Variants in THADA observed in about 807,000 individuals in gnomAD.
The protein encoded by THADA is THADA armadillo repeat containing.
THADA carries 213 observed loss-of-function variants against 219.8 expected under a neutral mutation model. The observed-to-expected ratio is 0.97, with a 90% CI of 0.87 to 1.09. The LOEUF is 1.09. Ranked by LOEUF, THADA falls within the 50% of genes least tolerant of loss-of-function variation. The probability of loss-of-function intolerance (pLI) is 0.00; values close to 1 mark genes in which losing one functional copy is unlikely to be tolerated. For missense variants in THADA, 2,956 were observed against 2,311.3 expected, an observed-to-expected ratio of 1.28 and a Z score of -5.72; for synonymous variants, 1,018 against 828.9, an observed-to-expected ratio of 1.23 and a Z score of -3.92.
At position 43,232,401 on chromosome 2, in the gene THADA, A is replaced by G. The variant is rs942952202; in HGVS notation, c.5466+312T>C. Among the ~76,000 whole-genome samples, 3 of 151,944 alleles carry G rather than the reference A, an allele frequency of 2.0e-5. No individual in the cohort carries two copies. In the East Asian group the frequency reaches 5.8e-4, roughly 29 times the overall value. The stretch of plus-strand genomic sequence containing the variant: ...CACCGTGTTAGCCAGGATGGTCTCG[A>G]TCTCCTGACCTCATGATCCGCCTGC... On this transcript the variant is annotated intron_variant, in intron 37 of 37. Transcript: ENST00000405975.
intron 22 of THADA, among the ~76,000 whole-genome samples, chr2:43,519,973 T>C (rs549984590): frequency 6.6e-6 from 1 of 152,212 alleles, no homozygotes. Context: ...CCAGGGTTGC[T>C]GGTGTTTATG....
intron 31 of THADA, among the ~76,000 whole-genome samples, chr2:43,315,797 C>T (rs1210218716): frequency 6.6e-6 from 1 of 152,174 alleles, no homozygotes; most frequent in Non-Finnish European, 1.5e-5. Flanking sequence ...ACACTAGGAA[C>T]TTGGTTCCAT....
At chr2:43,546,387 C>T (rs1470358653) in intron 20 of THADA, among the ~76,000 whole-genome samples, 10 of 152,102 alleles carry the variant, frequency 6.6e-5, no homozygotes, top group Admixed American at 1.3e-4. Context: ...CTATTAGGTC[C>T]GCTTGGTGCA....
chr2:43,449,308 A>G (rs962254255), intron 26 of THADA, among the ~76,000 whole-genome samples: 1 of 152,158 alleles, frequency 6.6e-6, no homozygotes, highest in Non-Finnish European at 1.5e-5. Flanking sequence ...AGAAATGTGA[A>G]TAAGTCCAAG....
intron 36 of THADA, among the ~76,000 whole-genome samples, chr2:43,271,866 C>T (rs1176270792): frequency 6.6e-6 from 1 of 152,160 alleles, no homozygotes; most frequent in African/African-American, 2.4e-5. Flanking sequence ...CCACTTGCCT[C>T]GGCCTCCCAG....
At chr2:43,516,520 G>A (rs1239546801) in intron 22 of THADA, among the ~76,000 whole-genome samples, 1 of 152,060 alleles carries the variant, frequency 6.6e-6, no homozygotes, top group East Asian at 1.9e-4. Context: ...TTTACATCGT[G>A]GTTGTACAAC....
intron 36 of THADA, among the ~76,000 whole-genome samples, chr2:43,242,287 T>C (rs1668703769): frequency 6.6e-6 from 1 of 152,236 alleles, no homozygotes; most frequent in Admixed American, 6.5e-5. Flanking sequence ...TACTTGTGAC[T>C]TGCATTTTCC....
intron 36 of THADA, among the ~76,000 whole-genome samples, chr2:43,238,320 T>C (rs1558449107): frequency 6.6e-6 from 1 of 152,048 alleles, no homozygotes; most frequent in Non-Finnish European, 1.5e-5. Flanking sequence ...GACAAGGGAC[T>C]GTATCTAAAC....
At chr2:43,565,120 T>C (rs1329359414) in intron 15 of THADA, 1 of 152,154 alleles carries the variant, frequency 6.6e-6, no homozygotes, top group African/African-American at 2.4e-5. Flanking sequence ...GACACAGATA[T>C]AGCAAATATT....
At chr2:43,278,956 G>A (rs1673033475) in intron 36 of THADA, among the ~76,000 whole-genome samples, 1 of 152,148 alleles carries the variant, frequency 6.6e-6, no homozygotes, top group Non-Finnish European at 1.5e-5. Context: ...TGGGACCGCT[G>A]ATCCAGAGAC....
At chr2:43,239,150 C>G (rs1343161852) in intron 36 of THADA, among the ~76,000 whole-genome samples, 1 of 152,202 alleles carries the variant, frequency 6.6e-6, no homozygotes, top group Non-Finnish European at 1.5e-5. Flanking sequence ...CTGGTGCCTT[C>G]CATCCTTGTG....
intron 28 of THADA, among the ~76,000 whole-genome samples, chr2:43,402,868 G>GGAGAGGCA (rs1558704298): frequency 6.6e-6 from 1 of 152,194 alleles, no homozygotes; most frequent in African/African-American, 2.4e-5. Context: ...GAGAGGCGGC[G>GGAGAGGCA]GAGAGGCAGA....
chr2:43,259,132 G>T (rs891060225), intron 36 of THADA, among the ~76,000 whole-genome samples: 1 of 152,314 alleles, frequency 6.6e-6, no homozygotes, highest in East Asian at 1.9e-4. Flanking sequence ...AAGTCAAGGG[G>T]AGGGGGTCAG....
rs1701660792 is a variant in THADA at position 43,592,288 on chromosome 2, TATA to T, written c.76+26_76+28del. 8 of 1,535,268 alleles carry T rather than the reference TATA, an allele frequency of 5.2e-6. 1 individual carries two copies. The East Asian group carries it at 1.1e-4, about 22-fold the overall frequency. ...ACTCTGCTTGCAAACTAGAAAAAAA[TATA>T]ATAAGGGAAACCAGAAGTCACCTAC... On this transcript the variant is annotated intron_variant, in intron 2 of 37. Transcript: ENST00000405975.
chr2:43,290,334 C>T (rs1166246549), intron 34 of THADA, among the ~76,000 whole-genome samples: 1 of 151,952 alleles, frequency 6.6e-6, no homozygotes. Flanking sequence ...CCTATACTCC[C>T]TCCACCCCAC....
At chr2:43,376,393 G>C (rs1671385645) in intron 29 of THADA, among the ~76,000 whole-genome samples, 1 of 152,146 alleles carries the variant, frequency 6.6e-6, no homozygotes, top group Admixed American at 6.5e-5. Context: ...TAATTCTATA[G>C]CTGAAAATAC....
chr2:43,268,941 TG>T (rs778164164), intron 36 of THADA, among the ~76,000 whole-genome samples: 1 of 151,962 alleles, frequency 6.6e-6, no homozygotes, highest in East Asian at 1.9e-4. Flanking sequence ...ACGAGAAAGG[TG>T]GGGGGGCCCA....
intron 30 of THADA, among the ~76,000 whole-genome samples, chr2:43,328,618 A>G (rs1316906628): frequency 1.3e-5 from 2 of 152,256 alleles, no homozygotes; most frequent in African/African-American, 4.8e-5. Flanking sequence ...CTGAAGGTCC[A>G]GCTATGCATT....
At chr2:43,369,851 GC>G (rs1299520678) in intron 29 of THADA, among the ~76,000 whole-genome samples, 1 of 152,182 alleles carries the variant, frequency 6.6e-6, no homozygotes, top group East Asian at 1.9e-4. Flanking sequence ...ACATCCTCCA[GC>G]CATGCTGTGA....
Sources: gnomAD v4.1 joint callset for allele counts (sites outside exome capture counted in the v4.1 genomes callset) on GRCh38, gnomAD v4.1.1 for gene constraint, MANE v1.5 for transcripts, NCBI Gene and HGNC (gene_info 2026-07-23, HGNC 2026-07-21) for gene names.